ZFPM2: variants seen among roughly 807,000 people sequenced by gnomAD.
ZFPM2 encodes the protein zinc finger protein, FOG family member 2.
A neutral mutation model predicts 98.6 loss-of-function variants in ZFPM2; 20 were observed. That is an observed-to-expected ratio of 0.20 (90% confidence interval 0.14 to 0.29). The LOEUF (loss-of-function observed/expected upper bound fraction) is 0.29, where lower values mean the gene tolerates loss of function less well. Ranked by LOEUF, ZFPM2 falls within the 10% of genes least tolerant of loss-of-function variation. The pLI is 1.00. For missense variants in ZFPM2, 1,310 were observed against 1,388.6 expected (o/e 0.94, Z 0.90); for synonymous variants, 518 against 502.7 (o/e 1.03, Z -0.41).
chr8:105,660,106 C>T (rs1303175871), intron 5 of ZFPM2, among the ~76,000 whole-genome samples: 2 of 152,036 alleles, frequency 1.3e-5, no homozygotes, highest in Non-Finnish European at 2.9e-5. Context: ...TTAAAACTGC[C>T]TTGAATAAAT....
intron 4 of ZFPM2, among the ~76,000 whole-genome samples, chr8:105,625,237 A>G (rs568708948): frequency 2.6e-5 from 4 of 152,294 alleles, no homozygotes; most frequent in African/African-American, 9.6e-5. Context: ...AAAAGTAGGT[A>G]TAGCATATAA....
At position 105,634,260 on chromosome 8, in the gene ZFPM2, G is replaced by A; in HGVS notation, c.435G>A (p.Gln145=). Residue 145 remains glutamine, a synonymous_variant, in exon 5 of 8, where the codon CAG becomes CAA. Transcript: ENST00000407775. ...TCTTTCTACAGAAGACAAAGGCTCAGGTCCCAATGGTGCTGACTGCTGGTC... is the reference window on the plus strand; with the variant it reads ...TCTTTCTACAGAAGACAAAGGCTCAAGTCCCAATGGTGCTGACTGCTGGTC... ...LNNNSLKTKA[Q]VPMVLTAGPK... 1.2e-6 allele frequency: 2 copies of A among 1,612,400 alleles called. No individual in the cohort carries two copies. Among genetic ancestry groups the A allele is most frequent in the Non-Finnish European group, 1.7e-6 (2 of 1,179,208 alleles).
Position 105,331,152 on chromosome 8 carries a change from T to A in ZFPM2, c.40+12171T>A, listed in dbSNP as rs139942352. 5.9e-3 allele frequency among the ~76,000 whole-genome samples: 803 copies of A among 136,628 alleles called. 22 individuals are homozygous for A. The East Asian group carries it at 0.095, about 16-fold the overall frequency. 89.6% of individuals were successfully genotyped at this position (136,628 alleles called of 152,430 possible). On this transcript the variant is annotated intron_variant, in intron 1 of 7. Coordinates refer to ENST00000407775, the MANE Select transcript of ZFPM2 (RefSeq NM_012082.4). ...TTTTGAACTGGGTATATATTATATTTTATATATATATATTATACACACACA... is the reference window on the plus strand; with the variant it reads ...TTTTGAACTGGGTATATATTATATTATATATATATATATTATACACACACA...
chr8:105,530,876 G>C (rs892918800), intron 3 of ZFPM2, among the ~76,000 whole-genome samples: 1 of 152,052 alleles, frequency 6.6e-6, no homozygotes, highest in Non-Finnish European at 1.5e-5. Flanking sequence ...TCCAGGAAGC[G>C]GGCCAGCCTA....
chr8:105,459,398 A>G (rs1334460250), intron 3 of ZFPM2, among the ~76,000 whole-genome samples: 7 of 152,140 alleles, frequency 4.6e-5, no homozygotes, highest in South Asian at 4.2e-4. Context: ...GGAAGGAGGT[A>G]AGAGACTGAT....
chr8:105,719,187 G>A (rs1197920789), intron 5 of ZFPM2, among the ~76,000 whole-genome samples: 1 of 151,918 alleles, frequency 6.6e-6, no homozygotes, highest in Non-Finnish European at 1.5e-5. Flanking sequence ...CCATGAGATG[G>A]TAATGTCTGA....
At chr8:105,380,589 G>A (rs1248918393) in intron 1 of ZFPM2, among the ~76,000 whole-genome samples, 2 of 61,942 alleles carry the variant, frequency 3.2e-5, no homozygotes, top group African/African-American at 6.8e-5. Flanking sequence ...ATTTTCTATC[G>A]GTATATATAT....
At chr8:105,783,050 G>A (rs1452794110) in intron 5 of ZFPM2, among the ~76,000 whole-genome samples, 1 of 152,010 alleles carries the variant, frequency 6.6e-6, no homozygotes, top group Non-Finnish European at 1.5e-5. Flanking sequence ...CAGGTCTCCC[G>A]AGTTCATTCA....
intron 3 of ZFPM2, among the ~76,000 whole-genome samples, chr8:105,531,704 T>G (rs1814301424): frequency 6.6e-6 from 1 of 152,146 alleles, no homozygotes; most frequent in African/African-American, 2.4e-5. Context: ...ATGGGAAAAT[T>G]TTTTGTTTTG....
At chr8:105,696,318 C>CTTATGTAAGTGAA (rs1398341151) in intron 5 of ZFPM2, among the ~76,000 whole-genome samples, 16 of 152,290 alleles carry the variant, frequency 1.1e-4, no homozygotes, top group Non-Finnish European at 2.1e-4. Context: ...CCTTCACTTA[C>CTTATGTAAGTGAA]CCTTATATGA....
intron 5 of ZFPM2, among the ~76,000 whole-genome samples, chr8:105,785,944 A>C (rs980995887): frequency 2.0e-5 from 3 of 147,384 alleles, no homozygotes; most frequent in African/African-American, 7.4e-5. Context: ...CGGGAGGCTG[A>C]GTCAGGAGAA....
intron 5 of ZFPM2, among the ~76,000 whole-genome samples, chr8:105,761,865 G>C (rs773269937): frequency 6.6e-6 from 1 of 151,870 alleles, no homozygotes; most frequent in Non-Finnish European, 1.5e-5. Context: ...CCCAGCAATA[G>C]AGTAGAAACT....
rs765127144 is a variant in ZFPM2, at chr8:105,418,853, C to T, written c.41-291C>T. On this transcript the variant is annotated intron_variant, in intron 1 of 7. Coordinates refer to ENST00000407775, the MANE Select transcript of ZFPM2 (RefSeq NM_012082.4). ...AGTGCACAGTTTTGCTCTTAAAGAG[C>T]GAATCAAAAAAATAAGTTTGGGGCT... 8.9e-5 allele frequency: 48 copies of T among 541,684 alleles called. 1 individual carries two copies. Among genetic ancestry groups the T allele is most frequent in the Non-Finnish European group, 1.5e-4 (42 of 288,808 alleles). 33.6% of individuals were successfully genotyped at this position (541,684 alleles called of 1,614,324 possible).
chr8:105,462,822 A>C (rs560854645), intron 3 of ZFPM2, among the ~76,000 whole-genome samples: 2 of 152,260 alleles, frequency 1.3e-5, no homozygotes, highest in African/African-American at 4.8e-5. Context: ...TGGCCAAAGA[A>C]ATAGCGAATC....
intron 3 of ZFPM2, among the ~76,000 whole-genome samples, chr8:105,536,753 A>G (rs1814461436): frequency 6.6e-6 from 1 of 152,158 alleles, no homozygotes; most frequent in Non-Finnish European, 1.5e-5. Context: ...TCAGGGAAGA[A>G]TGAGTGTCAG....
intron 4 of ZFPM2, among the ~76,000 whole-genome samples, chr8:105,616,351 T>C (rs1217882432): frequency 6.6e-6 from 1 of 152,140 alleles, no homozygotes; most frequent in Non-Finnish European, 1.5e-5. Context: ...TTAAAATCTT[T>C]TCATTTTGCT....
At chr8:105,486,635 A>G (rs900692283) in intron 3 of ZFPM2, among the ~76,000 whole-genome samples, 1 of 152,188 alleles carries the variant, frequency 6.6e-6, no homozygotes, top group Non-Finnish European at 1.5e-5. Flanking sequence ...TGAAATTTAC[A>G]TCATATAAGA....
chr8:105,436,245 C>T (rs181121155), intron 2 of ZFPM2, among the ~76,000 whole-genome samples: 7 of 152,148 alleles, frequency 4.6e-5, no homozygotes, highest in South Asian at 2.1e-4. Flanking sequence ...AGTGCCTGGG[C>T]GCGGTGGCTC....
intron 3 of ZFPM2, among the ~76,000 whole-genome samples, chr8:105,507,823 G>A (rs4734871): frequency 0.78 from 118,987 of 152,078 alleles, 47,279 homozygotes; most frequent in African/African-American, 0.93. Context: ...CATCATCACT[G>A]CCCTATATAA....
Sources: allele counts gnomAD v4.1 joint callset (sites outside exome capture counted in the v4.1 genomes callset), GRCh38; gene constraint gnomAD v4.1.1; transcripts MANE v1.5; gene names NCBI Gene and HGNC (gene_info 2026-07-23, HGNC 2026-07-21).